LRRC4C: variants seen among roughly 807,000 people sequenced by gnomAD.
LRRC4C encodes the protein leucine-rich repeat-containing protein 4C.
In LRRC4C, 5 loss-of-function variants were observed where a neutral mutation model predicts 33.6. The ratio of observed to expected loss-of-function variants is 0.15; its 90% confidence interval spans 0.08 to 0.31. The LOEUF (loss-of-function observed/expected upper bound fraction) is 0.31, where lower values mean the gene tolerates loss of function less well. Ranked by LOEUF, LRRC4C falls within the 10% of genes least tolerant of loss-of-function variation. The pLI, the probability that LRRC4C is intolerant of heterozygous loss-of-function variation, is 1.00. For synonymous variants in LRRC4C, 329 were observed against 302.0 expected (o/e 1.09, Z -0.93); for missense variants, 560 against 796.7 (o/e 0.70, Z 3.58).
chr11:40,594,903 T>C (rs906348423), intron 3 of LRRC4C, among the ~76,000 whole-genome samples: 1 of 152,124 alleles, frequency 6.6e-6, no homozygotes, highest in Non-Finnish European at 1.5e-5. Flanking sequence ...ACATTTAGTT[T>C]TAATAAACAC....
At chr11:41,069,079 G>T (rs1938485283) in intron 1 of LRRC4C, among the ~76,000 whole-genome samples, 1 of 152,130 alleles carries the variant, frequency 6.6e-6, no homozygotes, top group South Asian at 2.1e-4. Flanking sequence ...CCATGATGAA[G>T]TTGGCTTTAT....
At chr11:40,198,896 C>A (rs747071491) in intron 5 of LRRC4C, among the ~76,000 whole-genome samples, 3 of 152,068 alleles carry the variant, frequency 2.0e-5, no homozygotes, top group Non-Finnish European at 2.9e-5. Context: ...TCTAGAAGTT[C>A]CCCCCAGAAG....
Position 41,403,410 on chromosome 11 carries a change from A to G in LRRC4C, c.-496+56021T>C, listed in dbSNP as rs1202090164. ...TACAGGTCTGTATATATAGACATAT[A>G]TGTTTATTTTTAAGTAGAAATTCCA... On this transcript the variant is annotated intron_variant, in intron 1 of 6. Transcript: ENST00000528697. 7.2e-5 allele frequency among the ~76,000 whole-genome samples: 11 copies of G among 152,222 alleles called. No individual in the cohort carries two copies. In the East Asian group the frequency reaches 1.9e-3, roughly 27 times the overall value.
rs540686312 is a variant in LRRC4C at position 40,580,438 on chromosome 11, T to C, written c.-270+67704A>G. Among the ~76,000 whole-genome samples, 8 of 152,222 alleles carry C rather than the reference T, an allele frequency of 5.3e-5. 1 individual carries two copies. The South Asian group carries it at 1.7e-3, about 32-fold the overall frequency. On this transcript the variant is annotated intron_variant, in intron 3 of 6. Transcript: ENST00000528697. ...TCCCACAACATGTAGGGATGACAGGTCCCTACCTCAACACCTGGGGATTAC... is the reference window on the plus strand; with the variant it reads ...TCCCACAACATGTAGGGATGACAGGCCCCTACCTCAACACCTGGGGATTAC...
intron 5 of LRRC4C, among the ~76,000 whole-genome samples, chr11:40,157,185 G>T (rs1345207264): frequency 1.3e-5 from 2 of 152,156 alleles, no homozygotes; most frequent in African/African-American, 4.8e-5. Context: ...AACAAATGGT[G>T]CTGGGGTAAT....
chr11:41,421,597 A>G (rs1301426513), intron 1 of LRRC4C, among the ~76,000 whole-genome samples: 1 of 152,052 alleles, frequency 6.6e-6, no homozygotes, highest in Non-Finnish European at 1.5e-5. Flanking sequence ...GTCTCTTGCT[A>G]AATGTCAAGT....
intron 1 of LRRC4C, among the ~76,000 whole-genome samples, chr11:40,942,136 G>A (rs1024545903): frequency 2.6e-5 from 4 of 152,092 alleles, no homozygotes; most frequent in Admixed American, 6.6e-5. Flanking sequence ...TCCAAGAAAG[G>A]TTTAGCTAGC....
At chr11:41,372,658 T>C (rs1952792876) in intron 1 of LRRC4C, among the ~76,000 whole-genome samples, 1 of 152,134 alleles carries the variant, frequency 6.6e-6, no homozygotes, top group African/African-American at 2.4e-5. Flanking sequence ...ACCCCATCTC[T>C]GATTCCTTTT....
chr11:41,234,457 A>G (rs1445308717), intron 1 of LRRC4C, among the ~76,000 whole-genome samples: 1 of 152,028 alleles, frequency 6.6e-6, no homozygotes, highest in African/African-American at 2.4e-5. Flanking sequence ...GTTGTACAAT[A>G]GATCTCTTTA....
At chr11:41,170,359 A>AC (rs1242234993) in intron 1 of LRRC4C, among the ~76,000 whole-genome samples, 5 of 152,202 alleles carry the variant, frequency 3.3e-5, no homozygotes, top group African/African-American at 1.2e-4. Context: ...AAACTATACT[A>AC]CAAGACTACA....
At chr11:41,056,748 A>C (rs1858647876) in intron 1 of LRRC4C, among the ~76,000 whole-genome samples, 1 of 152,252 alleles carries the variant, frequency 6.6e-6, no homozygotes. Flanking sequence ...CTAATATTAA[A>C]AAGTTAAAAA....
At chr11:40,527,769 G>A (rs1323126118) in intron 3 of LRRC4C, among the ~76,000 whole-genome samples, 1 of 144,684 alleles carries the variant, frequency 6.9e-6, no homozygotes, top group East Asian at 2.0e-4. Flanking sequence ...TTTTTTTTTG[G>A]CAGAGTGTCA....
At chr11:40,690,401 A>T (rs527491399) in intron 2 of LRRC4C, among the ~76,000 whole-genome samples, 1 of 152,132 alleles carries the variant, frequency 6.6e-6, no homozygotes, top group South Asian at 2.1e-4. Context: ...GAACAAGCAA[A>T]CCCTATTTAT....
At chr11:40,737,582 A>G (rs996015531) in intron 2 of LRRC4C, among the ~76,000 whole-genome samples, 4 of 151,700 alleles carry the variant, frequency 2.6e-5, no homozygotes, top group Non-Finnish European at 5.9e-5. Context: ...ATAATAAAAA[A>G]AAACAGAGAG....
At chr11:41,210,021 A>T (rs994987246) in intron 1 of LRRC4C, among the ~76,000 whole-genome samples, 4 of 152,168 alleles carry the variant, frequency 2.6e-5, no homozygotes, top group Non-Finnish European at 5.9e-5. Context: ...GGATTCAGTG[A>T]GGAAGCAGGT....
intron 3 of LRRC4C, among the ~76,000 whole-genome samples, chr11:40,563,912 G>A (rs146166018): frequency 6.6e-6 from 1 of 152,278 alleles, no homozygotes; most frequent in East Asian, 1.9e-4. Flanking sequence ...GCCCTCAAGA[G>A]CTGCTGCTGC....
At chr11:40,156,679 A>G (rs576265491) in intron 5 of LRRC4C, among the ~76,000 whole-genome samples, 3 of 152,134 alleles carry the variant, frequency 2.0e-5, no homozygotes, top group Non-Finnish European at 2.9e-5. Flanking sequence ...AAAACCCAAC[A>G]ACAACAACAC....
chr11:40,392,039 AG>A (rs1949357861), intron 3 of LRRC4C, among the ~76,000 whole-genome samples: 2 of 152,198 alleles, frequency 1.3e-5, no homozygotes, highest in Non-Finnish European at 2.9e-5. Context: ...AGAGGAAGCC[AG>A]TATAAAAAGG....
At chr11:40,302,995 C>T (rs549493790) in intron 4 of LRRC4C, among the ~76,000 whole-genome samples, 3 of 152,256 alleles carry the variant, frequency 2.0e-5, no homozygotes, top group South Asian at 4.2e-4. Flanking sequence ...AAATGAACCT[C>T]CATATAACAG....
Sources: gnomAD v4.1 joint callset for allele counts (sites outside exome capture counted in the v4.1 genomes callset) on GRCh38, gnomAD v4.1.1 for gene constraint, MANE v1.5 for transcripts, NCBI Gene and HGNC (gene_info 2026-07-23, HGNC 2026-07-21) for gene names.